SLC10A2: variants seen among roughly 807,000 people sequenced by gnomAD.
The protein encoded by SLC10A2 is ileal sodium/bile acid cotransporter.
In SLC10A2, 34 loss-of-function variants were observed where a neutral mutation model predicts 27.1. That is an observed-to-expected ratio of 1.26 (90% CI 0.96 to 1.67). The LOEUF is 1.67. Among genes scored for constraint, SLC10A2 ranks in the 40% most tolerant of loss-of-function variants. SLC10A2 has a pLI of 0.00. For missense variants in SLC10A2, 530 were observed against 444.4 expected, an observed-to-expected ratio of 1.19 and a Z score of -1.73; for synonymous variants, 205 against 174.0, an observed-to-expected ratio of 1.18 and a Z score of -1.40.
At chr13:103,061,702 A>G (rs1225131434) in intron 1 of SLC10A2, among the ~76,000 whole-genome samples, 5 of 152,178 alleles carry the variant, frequency 3.3e-5, no homozygotes, top group African/African-American at 1.2e-4. Flanking sequence ...TTGGAGAAGG[A>G]AAGGTTTAGA....
intron 1 of SLC10A2, among the ~76,000 whole-genome samples, chr13:103,065,179 T>C (rs981217331): frequency 6.6e-6 from 1 of 152,234 alleles, no homozygotes; most frequent in East Asian, 1.9e-4. Flanking sequence ...AGTTTTTTTT[T>C]CCAGTGCTAG....
Position 103,046,182 on chromosome 13 carries a change from T to C in SLC10A2, c.998A>G (p.Glu333Gly), listed in dbSNP as rs1875604831. 1 of 1,613,872 alleles carries C rather than the reference T, an allele frequency of 6.2e-7. No individual in the cohort carries two copies. The highest frequency in any genetic ancestry group is 1.1e-5 in the South Asian group (1 of 91,084). ...PESKENGTEPESSFYKANGGF... is the reference protein window; with the variant it reads ...PESKENGTEPGSSFYKANGGF... ...TCCATTTGCCTTATAAAACGATGAC[T>C]CTGGCTCCGTTCCATTTTCTTTGCT... The change falls in exon 6 of 6, where the codon GAG becomes GGG. Residue 333 changes from glutamate to glycine, a missense_variant. Physicochemically the swap from Glu to Gly is moderately conservative, Grantham distance 98. Coordinates refer to ENST00000245312, the MANE Select transcript of SLC10A2 (RefSeq NM_000452.3).
In SLC10A2 at chr13:103,045,333, A is replaced by G. The variant is rs1230840906; in HGVS notation, c.*800T>C. 1 of 152,248 alleles carries G rather than the reference A, an allele frequency of 6.6e-6. No homozygotes were observed. The highest frequency in any genetic ancestry group is 1.5e-5 in the Non-Finnish European group (1 of 68,096). The allele number at this position is 152,248 out of a possible 1,614,324, so 9.4% of individuals were successfully genotyped here. On this transcript the variant is annotated 3_prime_UTR_variant, in exon 6 of 6. Transcript: ENST00000245312. ...CACTGCACACAGGAAAACCTTGAGG[A>G]AGTCCCTCTCCCAGATTTGAAGAGC... is the stretch of plus-strand genomic sequence containing the variant.
intron 5 of SLC10A2, among the ~76,000 whole-genome samples, chr13:103,047,857 A>G (rs928173998): frequency 2.6e-5 from 4 of 152,046 alleles, no homozygotes; most frequent in Non-Finnish European, 5.9e-5. Flanking sequence ...AGTAGACATC[A>G]TTAAGTAATT....
chr13:103,055,949 C>T (rs696915), intron 2 of SLC10A2, among the ~76,000 whole-genome samples: 2,316 of 152,320 alleles, frequency 0.015, 73 homozygotes, highest in African/African-American at 0.052. Context: ...TCACAAGCAA[C>T]GTCCTCTTTT....
chr13:103,061,989 C>A (rs9300783), intron 1 of SLC10A2, among the ~76,000 whole-genome samples: 132,609 of 152,134 alleles, frequency 0.87, 57,965 homozygotes, highest in Non-Finnish European at 0.91. Flanking sequence ...AGAAAAGAGT[C>A]AAGTATAAGA....
intron 5 of SLC10A2, among the ~76,000 whole-genome samples, chr13:103,048,176 C>T (rs1289169623): frequency 6.6e-6 from 1 of 151,922 alleles, no homozygotes; most frequent in Non-Finnish European, 1.5e-5. Flanking sequence ...AGGATGGTCT[C>T]GATCTCCTGA....
chr13:103,058,068 T>A (rs1035683475), intron 2 of SLC10A2, among the ~76,000 whole-genome samples, 196 bp downstream of exon 2: 3 of 151,814 alleles, frequency 2.0e-5, no homozygotes, highest in African/African-American at 7.3e-5. Flanking sequence ...AAAGACAGGT[T>A]CTCCCATAAG....
In SLC10A2 at chr13:103,066,181, C is replaced by T; in HGVS notation, c.69G>A (p.Glu23=). ...VCSGASCVVP[E]SNFNNILSVV... ...CACTTAGGATGTTATTGAAATTGCT[C>T]TCAGGTACCACACAGGATGCACCAG... Residue 23 remains glutamate, a synonymous_variant, in exon 1 of 6, where the codon GAG becomes GAA. Transcript: ENST00000245312. 6.2e-7 allele frequency: 1 copy of T among 1,614,228 alleles called. No individual in the cohort carries two copies. The highest frequency in any genetic ancestry group is 8.5e-7 in the Non-Finnish European group (1 of 1,180,032).
chr13:103,047,774 T>C (rs1031062799), intron 5 of SLC10A2, among the ~76,000 whole-genome samples: 8 of 152,026 alleles, frequency 5.3e-5, no homozygotes, highest in African/African-American at 1.7e-4. Context: ...TTAATCAACC[T>C]CTTTGGGGTT....
Position 103,049,312 on chromosome 13 carries a change from G to A in SLC10A2, c.896C>T (p.Ala299Val). ...FPLIYSIFQL[A>V]FAAIFLGFYV... The stretch of plus-strand genomic sequence containing the variant: ...ACATCCTAAGAATATTGCGGCAAAG[G>A]CGAGCTGGAAAATGCTGTAGATGAG... Residue 299 changes from alanine to valine, a missense_variant, in exon 5 of 6, where the codon GCC becomes GTC. Physicochemically the swap from Ala to Val is moderately conservative, Grantham distance 64. Transcript: ENST00000245312. 1 of 1,613,852 alleles carries A rather than the reference G, an allele frequency of 6.2e-7. No homozygotes were observed. The highest frequency in any genetic ancestry group is 8.5e-7 in the Non-Finnish European group (1 of 1,179,822).
chr13:103,064,056 G>A (rs1876203970), intron 1 of SLC10A2, among the ~76,000 whole-genome samples: 1 of 152,202 alleles, frequency 6.6e-6, no homozygotes, highest in Admixed American at 6.5e-5. Context: ...GGTCCCGCAT[G>A]AGGAGCATTT....
intron 2 of SLC10A2, among the ~76,000 whole-genome samples, chr13:103,057,011 G>A (rs1875957537): frequency 6.6e-6 from 1 of 152,122 alleles, no homozygotes; most frequent in Non-Finnish European, 1.5e-5. Context: ...GAAATGGAAG[G>A]CATTTCAGCC....
chr13:103,058,414 C>T (rs200402086), intron 1 of SLC10A2, 32 bp from the exon 2 acceptor site: 5 of 1,255,544 alleles, frequency 4.0e-6, no homozygotes, highest in African/African-American at 3.0e-5. Context: ...GATACATCCA[C>T]CTGTGGTGTT....
rs1405123836 is a variant in SLC10A2 at position 103,045,389 on chromosome 13, T to G, written c.*744A>C. 6.6e-6 allele frequency: 1 copy of G among 152,252 alleles called. No homozygotes were observed. Among genetic ancestry groups the G allele is most frequent in the Non-Finnish European group, 1.5e-5 (1 of 68,114 alleles). 9.4% of individuals were successfully genotyped at this position (152,252 alleles called of 1,614,324 possible). ...GCCAAATACACACCGTTTGAAAGAA[T>G]TATGTTTTTCCTTGGAAGATCTAGT... On this transcript the variant is annotated 3_prime_UTR_variant, in exon 6 of 6. Transcript: ENST00000245312.
intron 1 of SLC10A2, among the ~76,000 whole-genome samples, chr13:103,061,507 T>A (rs1876118690): frequency 6.6e-6 from 1 of 152,108 alleles, no homozygotes; most frequent in African/African-American, 2.4e-5. Flanking sequence ...AGTCTGAGAA[T>A]TTTTGTTTTA....
rs57339932 is a variant in SLC10A2 at position 103,054,424 on chromosome 13, G to A, written c.497-1716C>T. 8.0e-3 allele frequency among the ~76,000 whole-genome samples: 1,219 copies of A among 152,230 alleles called. 11 individuals carry two copies. Among genetic ancestry groups the A allele is most frequent in the African/African-American group, 0.028 (1,151 of 41,538 alleles). ...ACAAGAAGGAAACTCCCTCTCCTGG[G>A]TCTTTAGACCATTGCCTAAGTTTTT... On this transcript the variant is annotated intron_variant, in intron 2 of 5. Coordinates refer to ENST00000245312, the MANE Select transcript of SLC10A2 (RefSeq NM_000452.3).
intron 4 of SLC10A2, 93 bp downstream of exon 4, chr13:103,051,164 C>CA: frequency 1.6e-6 from 2 of 1,249,248 alleles, no homozygotes; most frequent in South Asian, 2.4e-5. Context: ...TTAAGCCACT[C>CA]AGTTTGTGGT....
At chr13:103,053,005 A>G (rs397268) in intron 2 of SLC10A2, among the ~76,000 whole-genome samples, 56,588 of 151,612 alleles carry the variant, frequency 0.37, 11,911 homozygotes, top group African/African-American at 0.59. Flanking sequence ...GCCAGCATAC[A>G]TTAGTTTTAA....
Sources: allele counts gnomAD v4.1 joint callset (sites outside exome capture counted in the v4.1 genomes callset), GRCh38; gene constraint gnomAD v4.1.1; transcripts MANE v1.5; gene names NCBI Gene and HGNC (gene_info 2026-07-23, HGNC 2026-07-21).